The following SLC66A1 variants were observed in gnomAD, a reference collection of about 807,000 sequenced individuals.
The protein encoded by SLC66A1 is lysosomal amino acid transporter 1 homolog.
In SLC66A1, 23 loss-of-function variants were observed where a neutral mutation model predicts 33.0. The observed-to-expected ratio is 0.70, with a 90% CI of 0.50 to 0.99. The LOEUF is 0.99. Ranked by LOEUF, SLC66A1 falls within the 50% of genes least tolerant of loss-of-function variation. The pLI is 0.00. For missense variants in SLC66A1, 335 were observed against 383.6 expected (o/e 0.87, Z 1.06); for synonymous variants, 164 against 175.5 (o/e 0.93, Z 0.52).
intron 6 of SLC66A1, 148 bp from the exon 7 acceptor site, chr1:19,327,079 T>C (rs2093872150): frequency 2.5e-6 from 2 of 797,546 alleles, no homozygotes; most frequent in South Asian, 3.5e-5. Context: ...GGCTCTTCTG[T>C]GTGTCGGGCC....
intron 2 of SLC66A1, 132 bp from the exon 3 acceptor site, chr1:19,324,501 G>A (rs369854913): frequency 1.7e-6 from 2 of 1,145,030 alleles, no homozygotes; most frequent in South Asian, 2.9e-5. Context: ...GGGGAGGATG[G>A]GCCGCCAGGC....
chr1:19,316,350 GGTTTGT>G (rs936974144), intron 1 of SLC66A1, among the ~76,000 whole-genome samples: 4 of 119,998 alleles, frequency 3.3e-5, no homozygotes, highest in African/African-American at 9.9e-5. Flanking sequence ...AACTCTTTAT[GGTTTGT>G]GTGTGTGTGT....
intron 1 of SLC66A1, among the ~76,000 whole-genome samples, chr1:19,313,481 G>A (rs887448717): frequency 6.6e-6 from 1 of 152,232 alleles, no homozygotes; most frequent in African/African-American, 2.4e-5. Flanking sequence ...CAAAGACAGT[G>A]GTCGCAGAGG....
chr1:19,326,370 G>A lies in SLC66A1; in HGVS notation c.508G>A (p.Val170Met), dbSNP rs563033281. 19 of 1,606,558 alleles carry A rather than the reference G, an allele frequency of 1.2e-5. No individual in the cohort carries two copies. The highest frequency in any genetic ancestry group is 4.5e-5 in the East Asian group (2 of 44,816). The change falls in exon 5 of 8, where the codon GTG (valine) becomes ATG (methionine). Residue 170 changes from valine to methionine, a missense_variant. Physicochemically the swap from Val to Met is conservative, Grantham distance 21. Coordinates refer to ENST00000375153, the MANE Select transcript of SLC66A1 (RefSeq NM_001040125.2). Reference sequence around the variant, plus strand: ...CTTCCGGGGGCGGGCGCTCCTGTCCGTGGAGTCGGGCAGCAAGGTGAGGCG... The same window carrying A: ...CTTCCGGGGGCGGGCGCTCCTGTCCATGGAGTCGGGCAGCAAGGTGAGGCG... ...EAFRGRALLSVESGSKPFTRQ... is the reference protein window; with the variant it reads ...EAFRGRALLSMESGSKPFTRQ...
chr1:19,314,379 A>C (rs1311455268), intron 1 of SLC66A1, among the ~76,000 whole-genome samples: 2 of 152,152 alleles, frequency 1.3e-5, no homozygotes, highest in Non-Finnish European at 2.9e-5. Context: ...GAAAGGGGGA[A>C]GTGAGAGAGA....
At position 19,317,820 on chromosome 1, in the gene SLC66A1, G is replaced by A; in HGVS notation, c.143G>A (p.Cys48Tyr). ...SVGLGLISIL[C>Y]FAASTFPQFI... Reference sequence around the variant, plus strand: ...GGCCTGGGCTTGATCTCCATTCTCTGCTTTGCTGCATCTACCTTCCCGTGA... The same window carrying A: ...GGCCTGGGCTTGATCTCCATTCTCTACTTTGCTGCATCTACCTTCCCGTGA... The change falls in exon 2 of 8, where the codon TGC (cysteine) becomes TAC (tyrosine). Residue 48 changes from cysteine to tyrosine, a missense_variant. Coordinates refer to ENST00000375153, the MANE Select transcript of SLC66A1 (RefSeq NM_001040125.2). The A allele has an allele frequency of 6.2e-7, 1 of 1,614,082 alleles. No homozygotes were observed. Among genetic ancestry groups the A allele is most frequent in the South Asian group, 1.1e-5 (1 of 91,066 alleles).
chr1:19,330,288 G>A (rs2093888874), downstream of SLC66A1, among the ~76,000 whole-genome samples: 1 of 152,160 alleles, frequency 6.6e-6, no homozygotes, highest in Admixed American at 6.5e-5. Context: ...TATCTGGTGG[G>A]GTAGTCTTGG....
At chr1:19,331,660 G>T (rs1194225619), downstream of SLC66A1, among the ~76,000 whole-genome samples, 1 of 152,200 alleles carries the variant, frequency 6.6e-6, no homozygotes, top group Admixed American at 6.5e-5. Flanking sequence ...GCCTGCCTCA[G>T]GTGCCAGCTA....
Position 19,326,316 on chromosome 1 carries a change from G to T in SLC66A1, c.454G>T (p.Ala152Ser), listed in dbSNP as rs1227305424. The T allele has an allele frequency of 2.5e-6, 4 of 1,607,076 alleles. No homozygotes were observed. The highest frequency in any genetic ancestry group is 1.1e-5 in the South Asian group (1 of 91,054). ...GTGCGCCACACCGCTGCTGAGTGCT[G>T]CTGGGCCCGTGGCTGCCCCTAGGGA... The part of the protein sequence containing the change: ...MACATPLLSA[A>S]GPVAAPREAF... The change falls in exon 5 of 8, where the codon GCT (alanine) becomes TCT (serine). Residue 152 changes from alanine (A) to serine (S), a missense_variant. Ala to Ser is a moderately conservative substitution (Grantham distance 99, BLOSUM62 1). Transcript: ENST00000375153.
intron 2 of SLC66A1, among the ~76,000 whole-genome samples, chr1:19,321,526 T>G (rs2152006155): frequency 6.7e-6 from 1 of 149,490 alleles, no homozygotes; most frequent in African/African-American, 2.6e-5. Context: ...TTTAGGTGTT[T>G]GATCCATTTT....
At chr1:19,323,853 G>A (rs1056022652) in intron 2 of SLC66A1, among the ~76,000 whole-genome samples, 1 of 152,172 alleles carries the variant, frequency 6.6e-6, no homozygotes, top group Non-Finnish European at 1.5e-5. Flanking sequence ...GGTATGGCAC[G>A]GCTTCCTCCA....
intron 7 of SLC66A1, 87 bp downstream of exon 7, chr1:19,327,499 TCCTC>T (rs924476821): frequency 2.8e-5 from 37 of 1,336,052 alleles, no homozygotes; most frequent in East Asian, 2.3e-4. Context: ...ATCCGTCTCT[TCCTC>T]CCTTCATCCA....
In SLC66A1 at chr1:19,326,761, C is replaced by T. The variant is rs1174424824; in HGVS notation, c.618+138C>T. 3.3e-6 allele frequency: 3 copies of T among 912,554 alleles called. No homozygotes were observed. The East Asian group carries it at 7.9e-5, about 24-fold the overall frequency. The allele number at this position is 912,554 out of a possible 1,614,324, so 56.5% of individuals were successfully genotyped here. A position where few individuals can be genotyped will look rare whatever the true frequency, so the allele number is the denominator to read the frequency against. On this transcript the variant is annotated intron_variant, in intron 6 of 7. Transcript: ENST00000375153. Reference sequence around the variant, plus strand: ...GGTCTACTCCCGCTGTTGGCTTGGGCAAGTTAATCCAATCTCCGAGCCTCC... The same window carrying T: ...GGTCTACTCCCGCTGTTGGCTTGGGTAAGTTAATCCAATCTCCGAGCCTCC...
chr1:19,326,258 C>G lies in SLC66A1; in HGVS notation c.396C>G (p.Ile132Met). 1 of 1,604,964 alleles carries G rather than the reference C, an allele frequency of 6.2e-7. No individual in the cohort carries two copies. The highest frequency in any genetic ancestry group is 8.5e-7 in the Non-Finnish European group (1 of 1,179,436). Residue 132 changes from isoleucine (I) to methionine (M), a missense_variant, in exon 5 of 8, where the codon ATC becomes ATG. Transcript: ENST00000375153. ...RTRPSLLSAP[I>M]NSVLLFLMGM... is the part of the protein sequence containing the mutation. ...CCTTGTGTGCAGTGTCTGCCCCCAT[C>G]AACTCCGTGCTGTTGTTCCTCATGG...
At position 19,328,809 on chromosome 1, in the gene SLC66A1, C is replaced by T. The variant is rs531388398; in HGVS notation, c.*166C>T. ...CAGGAACACACCTTCAGGTAGACCC[C>T]GAAGCCTCAAGGCCGGGGCTGGAGC... On this transcript the variant is annotated 3_prime_UTR_variant, in exon 8 of 8. Coordinates refer to ENST00000375153, the MANE Select transcript of SLC66A1 (RefSeq NM_001040125.2). This position sits in a 1 kb window ranked among gnomAD's most constrained non-coding sequence, Gnocchi z 4.7. 4.8e-5 allele frequency: 36 copies of T among 744,258 alleles called. No individual in the cohort carries two copies. The highest frequency in any genetic ancestry group is 7.2e-5 in the South Asian group (4 of 55,384). The allele number at this position is 744,258 out of a possible 1,614,324, so 46.1% of individuals were successfully genotyped here.
chr1:19,326,517 C>T lies in SLC66A1; in HGVS notation c.526-14C>T, dbSNP rs757204421. ...GCTCCTACGAGACACCAAGTGCCCC[C>T]TTCTGCCCCACAGCCCTTCACCCGG... On this transcript the variant is annotated splice_polypyrimidine_tract_variant and intron_variant, in intron 5 of 7. Transcript: ENST00000375153. 3 of 1,614,220 alleles carry T rather than the reference C, an allele frequency of 1.9e-6. No homozygotes were observed. The highest frequency in any genetic ancestry group is 2.5e-6 in the Non-Finnish European group (3 of 1,180,020).
intron 2 of SLC66A1, among the ~76,000 whole-genome samples, 188 bp downstream of exon 2, chr1:19,318,029 G>A (rs536594371): frequency 6.4e-4 from 98 of 152,288 alleles, no homozygotes; most frequent in African/African-American, 2.3e-3. Flanking sequence ...GGGCAGTGCT[G>A]ATACAGAGAT....
chr1:19,325,161 T>C (rs1335152785), intron 3 of SLC66A1, among the ~76,000 whole-genome samples: 2 of 152,206 alleles, frequency 1.3e-5, no homozygotes, highest in Non-Finnish European at 2.9e-5. Flanking sequence ...TGTCTTCCCA[T>C]GTGGGACCAG....
intron 7 of SLC66A1, 118 bp downstream of exon 7, chr1:19,327,530 TCCC>T: frequency 1.3e-6 from 1 of 772,858 alleles, no homozygotes. Flanking sequence ...CATCCATCCA[TCCC>T]TCCCTCCCTC....
Sources: allele counts gnomAD v4.1 joint callset (sites outside exome capture counted in the v4.1 genomes callset), GRCh38; gene constraint gnomAD v4.1.1; non-coding constraint Gnocchi (gnomAD v3.1); transcripts MANE v1.5; gene names NCBI Gene and HGNC (gene_info 2026-07-23, HGNC 2026-07-21).